The following NRXN3 variants were observed in gnomAD, a reference collection of about 807,000 sequenced individuals.
NRXN3 encodes the protein neurexin III.
In NRXN3, 32 loss-of-function variants were observed where a neutral mutation model predicts 137.6. The ratio of observed to expected loss-of-function variants is 0.23; its 90% CI spans 0.18 to 0.31. NRXN3 has a LOEUF of 0.31. Ranked by LOEUF, NRXN3 falls within the 10% of genes least tolerant of loss-of-function variation. The probability of loss-of-function intolerance (pLI) is 1.00; values close to 1 mark genes in which losing one functional copy is unlikely to be tolerated. For missense variants in NRXN3, 1,574 were observed against 2,062.5 expected, an observed-to-expected ratio of 0.76 and a Z score of 4.59; for synonymous variants, 798 against 784.5, an observed-to-expected ratio of 1.02 and a Z score of -0.29.
chr14:78,253,538 A>C (rs1418741142), intron 2 of NRXN3, among the ~76,000 whole-genome samples: 2 of 152,100 alleles, frequency 1.3e-5, no homozygotes, highest in Non-Finnish European at 2.9e-5. Flanking sequence ...AGCCAGGCAA[A>C]GTGGTGCATG....
At chr14:78,610,755 A>G (rs1348866410) in intron 4 of NRXN3, among the ~76,000 whole-genome samples, 1 of 152,222 alleles carries the variant, frequency 6.6e-6, no homozygotes, top group Non-Finnish European at 1.5e-5. Flanking sequence ...AGGTGAAACC[A>G]TGGGGGGCAG....
chr14:79,405,882 T>A (rs967189097), intron 15 of NRXN3, among the ~76,000 whole-genome samples: 2 of 152,114 alleles, frequency 1.3e-5, no homozygotes, highest in African/African-American at 2.4e-5. Context: ...TGGAGATGGG[T>A]CAGGGAAAAT....
intron 3 of NRXN3, among the ~76,000 whole-genome samples, chr14:78,292,724 C>CA (rs2075927011): frequency 6.6e-6 from 1 of 152,192 alleles, no homozygotes; most frequent in African/African-American, 2.4e-5. Flanking sequence ...TGTTCAAAGC[C>CA]AGAGCCGATG....
chr14:78,625,702 G>T (rs1453366497), intron 4 of NRXN3, among the ~76,000 whole-genome samples: 1 of 152,144 alleles, frequency 6.6e-6, no homozygotes, highest in Non-Finnish European at 1.5e-5. Flanking sequence ...TCAACAATCA[G>T]TCACATCCTC....
intron 20 of NRXN3, among the ~76,000 whole-genome samples, chr14:79,860,659 T>A (rs1382419683): frequency 1.3e-5 from 2 of 152,242 alleles, no homozygotes; most frequent in Non-Finnish European, 2.9e-5. Context: ...TGTTAATAAA[T>A]TCTTAAGTTA....
intron 16 of NRXN3, among the ~76,000 whole-genome samples, chr14:79,470,951 AGTGTGTGTGTGTGTGTGTGTGTGT>A (rs371413883): frequency 5.2e-5 from 6 of 116,416 alleles, no homozygotes; most frequent in Non-Finnish European, 7.3e-5. Context: ...AGAGAGAGAG[AGTGTGTGTGTGTGTGTGTGTGTGT>A]GTGTGTGTGT....
rs898282628 is a variant in NRXN3 at position 79,491,112 on chromosome 14, C to A, written c.3444+23710C>A. ...TTGTTCTGTTTTTTCTCTTGTAAATCCGTCAAAGATTGCAAAGGTAGGAAC... is the reference window on the plus strand; with the variant it reads ...TTGTTCTGTTTTTTCTCTTGTAAATACGTCAAAGATTGCAAAGGTAGGAAC... On this transcript the variant is annotated intron_variant, in intron 16 of 20. Coordinates refer to ENST00000335750, the MANE Select transcript of NRXN3 (RefSeq NM_001330195.2). 2.0e-5 allele frequency among the ~76,000 whole-genome samples: 3 copies of A among 152,020 alleles called. No homozygotes were observed. The East Asian group carries it at 5.8e-4, about 29-fold the overall frequency.
At chr14:79,679,626 T>C (rs1287624191) in intron 17 of NRXN3, among the ~76,000 whole-genome samples, 4 of 152,126 alleles carry the variant, frequency 2.6e-5, no homozygotes, top group African/African-American at 4.8e-5. Context: ...GAGGGAATTA[T>C]AGAAGTAGAA....
intron 1 of NRXN3, among the ~76,000 whole-genome samples, chr14:78,203,981 T>A (rs932026233): frequency 6.6e-6 from 1 of 152,132 alleles, no homozygotes; most frequent in Non-Finnish European, 1.5e-5. Context: ...AATGTGAGCT[T>A]GTTACTGTGC....
chr14:78,428,425 A>G (rs1395288172), intron 4 of NRXN3, among the ~76,000 whole-genome samples: 1 of 151,760 alleles, frequency 6.6e-6, no homozygotes, highest in Admixed American at 6.6e-5. Context: ...TATAACCCCA[A>G]CTCTATCTCA....
At chr14:78,944,259 G>A (rs1003898030) in intron 10 of NRXN3, among the ~76,000 whole-genome samples, 1 of 152,218 alleles carries the variant, frequency 6.6e-6, no homozygotes. Context: ...AGTTTACAGT[G>A]TAGAGAGCAC....
chr14:79,272,335 G>A (rs2079482446), intron 15 of NRXN3, among the ~76,000 whole-genome samples: 1 of 150,000 alleles, frequency 6.7e-6, no homozygotes, highest in African/African-American at 2.5e-5. Flanking sequence ...TAAATTTAGT[G>A]TTCATGGAGA....
At chr14:78,757,870 CTT>C (rs1252808722) in intron 8 of NRXN3, among the ~76,000 whole-genome samples, 8 of 152,100 alleles carry the variant, frequency 5.3e-5, no homozygotes, top group African/African-American at 1.9e-4. Flanking sequence ...AGATTCATAA[CTT>C]TTAGATTTGT....
chr14:79,762,066 T>C (rs948653345), intron 19 of NRXN3, among the ~76,000 whole-genome samples: 2 of 151,580 alleles, frequency 1.3e-5, no homozygotes, highest in Non-Finnish European at 2.9e-5. Context: ...AATGCTGATT[T>C]TATATTGGAA....
chr14:79,670,203 T>A (rs1412309999), intron 17 of NRXN3, among the ~76,000 whole-genome samples: 1 of 152,094 alleles, frequency 6.6e-6, no homozygotes, highest in Admixed American at 6.6e-5. Flanking sequence ...TATTTCCTTT[T>A]ATGTGTTTTC....
chr14:78,298,192 A>C (rs1448582165), intron 4 of NRXN3, among the ~76,000 whole-genome samples: 2 of 152,184 alleles, frequency 1.3e-5, no homozygotes, highest in Non-Finnish European at 2.9e-5. Context: ...CTAATTTCAG[A>C]GCAACCAAGC....
intron 4 of NRXN3, among the ~76,000 whole-genome samples, chr14:78,496,535 G>C (rs1486805831): frequency 6.6e-6 from 1 of 152,038 alleles, no homozygotes; most frequent in Non-Finnish European, 1.5e-5. Context: ...ACTGTTTTAG[G>C]AACCTGGAAT....
intron 19 of NRXN3, among the ~76,000 whole-genome samples, chr14:79,803,949 A>G (rs1484199568): frequency 2.0e-5 from 3 of 146,442 alleles, no homozygotes; most frequent in Non-Finnish European, 3.0e-5. Context: ...ATATATGTAT[A>G]TATATATACA....
chr14:79,354,045 G>C (rs2093330093), intron 15 of NRXN3, among the ~76,000 whole-genome samples: 1 of 152,086 alleles, frequency 6.6e-6, no homozygotes, highest in Non-Finnish European at 1.5e-5. Context: ...TGATTAAATT[G>C]CAAGATTATA....
Sources: gnomAD v4.1 joint callset for allele counts (sites outside exome capture counted in the v4.1 genomes callset) on GRCh38, gnomAD v4.1.1 for gene constraint, MANE v1.5 for transcripts, NCBI Gene and HGNC (gene_info 2026-07-23, HGNC 2026-07-21) for gene names.